DNM2: variants seen among roughly 807,000 people sequenced by gnomAD.
DNM2 encodes dynamin 2.
In DNM2, 15 loss-of-function variants were observed where a neutral mutation model predicts 99.0. That is an observed-to-expected ratio of 0.15 (90% CI 0.10 to 0.23). The LOEUF is 0.23. Among genes scored for constraint, DNM2 ranks in the 10% least tolerant of loss-of-function variants. The probability of loss-of-function intolerance (pLI) is 1.00; values close to 1 mark genes in which losing one functional copy is unlikely to be tolerated. For synonymous variants in DNM2, 525 were observed against 481.2 expected, an observed-to-expected ratio of 1.09 and a Z score of -1.19; for missense variants, 742 against 1,189.4, an observed-to-expected ratio of 0.62 and a Z score of 5.53.
Position 10,805,934 on chromosome 19 carries a change from G to A in DNM2, c.1512G>A (p.Thr504=), listed in dbSNP as rs767407905. The A allele has an allele frequency of 3.3e-5, 54 of 1,613,988 alleles. No homozygotes were observed. The highest frequency in any genetic ancestry group is 1.8e-4 in the Admixed American group (11 of 59,986). The part of the protein sequence containing the change: ...IGFANAQQRS[T]QLNKKRAIPN... ...GTTTCAGTGCCCAGCAGAGGAGCAC[G>A]CAGCTGAACAAGAAGAGAGCCATCC... Residue 504 remains threonine, a synonymous_variant, in exon 13 of 21, where the codon ACG becomes ACA. Coordinates refer to ENST00000389253, the MANE Select transcript of DNM2 (RefSeq NM_001005361.3).
Position 10,830,642 on chromosome 19 carries a change from C to T in DNM2, c.2543+264C>T, listed in dbSNP as rs1158855069. ...GGTGTGCCACCAGGCAGCTGGGGAA[C>T]CCTCACACTGGGCACCTCCTCCCAC... On this transcript the variant is annotated intron_variant, in intron 20 of 20. Coordinates refer to ENST00000389253, the MANE Select transcript of DNM2 (RefSeq NM_001005361.3). This position sits in a 1 kb window ranked among gnomAD's most constrained non-coding sequence, Gnocchi z 4.8. 1.7e-5 allele frequency: 10 copies of T among 592,144 alleles called. No homozygotes were observed. Among genetic ancestry groups the T allele is most frequent in the Non-Finnish European group, 3.0e-5 (10 of 336,906 alleles). 36.7% of individuals were successfully genotyped at this position (592,144 alleles called of 1,614,324 possible).
chr19:10,767,675 G>A (rs2070842603), intron 2 of DNM2, among the ~76,000 whole-genome samples: 1 of 152,204 alleles, frequency 6.6e-6, no homozygotes, highest in Non-Finnish European at 1.5e-5. Context: ...GGAGGCCGAG[G>A]TGGGCGGATC....
intron 5 of DNM2, among the ~76,000 whole-genome samples, chr19:10,779,649 AG>A (rs1444943834): frequency 6.6e-6 from 1 of 150,376 alleles, no homozygotes; most frequent in Admixed American, 6.7e-5. Flanking sequence ...TTGGGATTAC[AG>A]GCATGTGCGA....
chr19:10,791,144 A>C (rs1018131638), intron 7 of DNM2, among the ~76,000 whole-genome samples: 1 of 151,958 alleles, frequency 6.6e-6, no homozygotes, highest in African/African-American at 2.4e-5. Flanking sequence ...GCTGGAGTGC[A>C]CTGGTGCAAT....
intron 1 of DNM2, among the ~76,000 whole-genome samples, chr19:10,730,977 A>G (rs888473162): frequency 3.3e-5 from 5 of 152,178 alleles, no homozygotes; most frequent in African/African-American, 1.2e-4. Flanking sequence ...CCCTGGTGAC[A>G]CCTCCATGCC....
At chr19:10,722,076 TG>T (rs2068958967) in intron 1 of DNM2, among the ~76,000 whole-genome samples, 1 of 152,110 alleles carries the variant, frequency 6.6e-6, no homozygotes, top group African/African-American at 2.4e-5. Context: ...GATGGGTGAT[TG>T]GGTGATGCGT....
At position 10,764,738 on chromosome 19, in the gene DNM2, C is replaced by T. The variant is rs1415645165; in HGVS notation, c.235+4927C>T. On this transcript the variant is annotated intron_variant, in intron 2 of 20. Transcript: ENST00000389253. This position sits in a 1 kb window ranked among gnomAD's most constrained non-coding sequence, Gnocchi z 4.1. Reference sequence around the variant, plus strand: ...CCCTTGCCAGTCTCTGGGACCTCACCTCCTCCTGGTCCCCAGCCACTGCCC... The same window carrying T: ...CCCTTGCCAGTCTCTGGGACCTCACTTCCTCCTGGTCCCCAGCCACTGCCC... Among the ~76,000 whole-genome samples the T allele has an allele frequency of 1.3e-5, 2 of 152,178 alleles. No individual in the cohort carries two copies. The highest frequency in any genetic ancestry group is 2.9e-5 in the Non-Finnish European group (2 of 68,038).
intron 11 of DNM2, among the ~76,000 whole-genome samples, chr19:10,800,878 C>T (rs1281730607): frequency 6.6e-6 from 1 of 152,248 alleles, no homozygotes; most frequent in Non-Finnish European, 1.5e-5. Context: ...CACATGAGAC[C>T]TTTCTAGCTT....
At chr19:10,793,885 T>C in intron 8 of DNM2, 30 bp downstream of exon 8, 1 of 1,613,958 alleles carries the variant, frequency 6.2e-7, no homozygotes, top group Non-Finnish European at 8.5e-7. Flanking sequence ...GGCCCTCCCG[T>C]CTCTGGTCAG....
intron 7 of DNM2, 58 bp downstream of exon 7, chr19:10,786,764 C>G: frequency 6.2e-7 from 1 of 1,610,204 alleles, no homozygotes; most frequent in Admixed American, 1.7e-5. Flanking sequence ...CCATCAGCCA[C>G]AGGGCCCCCT....
Position 10,818,388 on chromosome 19 carries a change from C to T in DNM2, c.1672-1592C>T, listed in dbSNP as rs1174042271. The stretch of plus-strand genomic sequence containing the variant: ...AAAGAAAATCCCGGGTGCTCATGGG[C>T]ACCAGCTCTGCAGTGGGCACCAAGC... On this transcript the variant is annotated intron_variant, in intron 15 of 20. Coordinates refer to ENST00000389253, the MANE Select transcript of DNM2 (RefSeq NM_001005361.3). This position sits in a 1 kb window ranked among gnomAD's most constrained non-coding sequence, Gnocchi z 4.3. Among the ~76,000 whole-genome samples the T allele has an allele frequency of 6.6e-6, 1 of 152,248 alleles. No homozygotes were observed. Among genetic ancestry groups the T allele is most frequent in the African/African-American group, 2.4e-5 (1 of 41,466 alleles).
At chr19:10,725,546 T>C (rs2069087088) in intron 1 of DNM2, among the ~76,000 whole-genome samples, 1 of 151,974 alleles carries the variant, frequency 6.6e-6, no homozygotes, top group South Asian at 2.1e-4. Context: ...CAGAGGGATC[T>C]GTGGGAATAT....
rs755694820 is a variant in DNM2, at chr19:10,831,075, G to C, written c.*28G>C. On this transcript the variant is annotated 3_prime_UTR_variant, in exon 21 of 21. Coordinates refer to ENST00000389253, the MANE Select transcript of DNM2 (RefSeq NM_001005361.3). This position sits in a 1 kb window ranked among gnomAD's most constrained non-coding sequence, Gnocchi z 4.3. Reference sequence around the variant, plus strand: ...CTCGAGGGGGGCGTGCTCTCGGGGGGGCCTCACGCACCCGCGGCGCAGGAG... The same window carrying C: ...CTCGAGGGGGGCGTGCTCTCGGGGGCGCCTCACGCACCCGCGGCGCAGGAG... 1.3e-6 allele frequency: 2 copies of C among 1,580,184 alleles called. No homozygotes were observed. The highest frequency in any genetic ancestry group is 1.7e-6 in the Non-Finnish European group (2 of 1,163,080).
chr19:10,814,601 C>T (rs1043712691), intron 15 of DNM2, among the ~76,000 whole-genome samples: 1 of 152,128 alleles, frequency 6.6e-6, no homozygotes, highest in African/African-American at 2.4e-5. Flanking sequence ...CTCTCTTTAC[C>T]CCCTACTTGT....
chr19:10,812,075 G>A lies in DNM2; in HGVS notation c.1558-189G>A, dbSNP rs746006988. 1.8e-6 allele frequency: 1 copy of A among 563,460 alleles called. No homozygotes were observed. The highest frequency in any genetic ancestry group is 3.4e-6 in the Non-Finnish European group (1 of 297,262). 34.9% of individuals were successfully genotyped at this position (563,460 alleles called of 1,614,324 possible). ...TGTCTGTCCGCCCACCTGCCCAGGTGGCGCCTCATGTTGGTTTCCTGCTGG... is the reference window on the plus strand; with the variant it reads ...TGTCTGTCCGCCCACCTGCCCAGGTAGCGCCTCATGTTGGTTTCCTGCTGG... On this transcript the variant is annotated intron_variant, in intron 14 of 20. Coordinates refer to ENST00000389253, the MANE Select transcript of DNM2 (RefSeq NM_001005361.3). This position sits in a 1 kb window ranked among gnomAD's most constrained non-coding sequence, Gnocchi z 4.0.
In DNM2 at chr19:10,831,315, A is replaced by T. The variant is rs12461992; in HGVS notation, c.*268A>T. 165,037 of 1,252,482 alleles carry T rather than the reference A, an allele frequency of 0.13. 13,339 individuals are homozygous for T. The highest frequency in any genetic ancestry group is 0.42 in the East Asian group (11,790 of 28,346). The allele number at this position is 1,252,482 out of a possible 1,614,324, so 77.6% of individuals were successfully genotyped here. A position where few individuals can be genotyped will look rare whatever the true frequency, so the allele number is the denominator to read the frequency against. ...GTCTCAGGGTGGCAGAGGGGGGACC[A>T]GAACCCTTGACACCATCCTGAATGA... On this transcript the variant is annotated 3_prime_UTR_variant, in exon 21 of 21. Coordinates refer to ENST00000389253, the MANE Select transcript of DNM2 (RefSeq NM_001005361.3). The surrounding 1 kb of genome is among the most constrained non-coding windows in gnomAD (Gnocchi z 4.3).
At chr19:10,801,608 A>C (rs2072146404) in intron 11 of DNM2, among the ~76,000 whole-genome samples, 2 of 147,888 alleles carry the variant, frequency 1.4e-5, no homozygotes, top group East Asian at 4.0e-4. Context: ...CTTTTCTCAA[A>C]AAAAAAAAAA....
At chr19:10,791,109 C>T (rs1367101149) in intron 7 of DNM2, among the ~76,000 whole-genome samples, 1 of 151,554 alleles carries the variant, frequency 6.6e-6, no homozygotes, top group African/African-American at 2.4e-5. Context: ...TCTTTTGAGA[C>T]AAGGTCTCTT....
chr19:10,786,449 G>A (rs1024725378), intron 6 of DNM2, 115 bp from the exon 7 acceptor site: 9 of 1,493,386 alleles, frequency 6.0e-6, no homozygotes, highest in Admixed American at 5.0e-5. Context: ...GCTGTGTGGT[G>A]TGGTGGCCGC....
Sources: gnomAD v4.1 joint callset for allele counts (sites outside exome capture counted in the v4.1 genomes callset) on GRCh38, gnomAD v4.1.1 for gene constraint, Gnocchi (gnomAD v3.1) non-coding constraint, MANE v1.5 for transcripts, NCBI Gene and HGNC (gene_info 2026-07-23, HGNC 2026-07-21) for gene names.